IL1R1: variants seen among roughly 807,000 people sequenced by gnomAD.
IL1R1 encodes the protein interleukin 1 receptor type 1, also known as interleukin-1 receptor type 1.
A neutral mutation model predicts 50.2 loss-of-function variants in IL1R1; 22 were observed. The observed-to-expected ratio is 0.44, with a 90% confidence interval of 0.31 to 0.63. The LOEUF (loss-of-function observed/expected upper bound fraction) is 0.63, where lower values mean the gene tolerates loss of function less well. Among genes scored for constraint, IL1R1 ranks in the 20% least tolerant of loss-of-function variants. The pLI is 0.07. For synonymous variants in IL1R1, 251 were observed against 236.7 expected (o/e 1.06, Z -0.55); for missense variants, 509 against 676.2 (o/e 0.75, Z 2.74).
chr2:102,142,529 G>C (rs1414366992), upstream of IL1R1: 5 of 152,112 alleles, frequency 3.3e-5, no homozygotes, highest in African/African-American at 9.7e-5. Context: ...GAGAGCGCCC[G>C]GCAGCTCTCC....
At chr2:102,076,475 C>T (rs1288852920) in intron 1 of IL1R1, among the ~76,000 whole-genome samples, 1 of 152,196 alleles carries the variant, frequency 6.6e-6, no homozygotes, top group Non-Finnish European at 1.5e-5. Context: ...GGGCTTCCTT[C>T]AACATTTCTT....
rs774550568 is a variant in IL1R1, at chr2:102,176,535, T to C, written c.1486T>C (p.Tyr496His). 1 of 1,614,168 alleles carries C rather than the reference T, an allele frequency of 6.2e-7. No homozygotes were observed. The highest frequency in any genetic ancestry group is 8.5e-7 in the Non-Finnish European group (1 of 1,180,034). The change falls in exon 12 of 12, where the codon TAT becomes CAT. Residue 496 changes from tyrosine to histidine, a missense_variant. Coordinates refer to ENST00000410023, the MANE Select transcript of IL1R1 (RefSeq NM_000877.4). Reference protein sequence around the residue: ...VLLELEKIQDYEKMPESIKFI... With the variant: ...VLLELEKIQDHEKMPESIKFI... ...GCTTGAGCTGGAGAAAATCCAAGACTATGAGAAAATGCCAGAATCGATTAA... is the reference window on the plus strand; with the variant it reads ...GCTTGAGCTGGAGAAAATCCAAGACCATGAGAAAATGCCAGAATCGATTAA...
intron 1 of IL1R1, among the ~76,000 whole-genome samples, chr2:102,092,846 T>G (rs1373473266): frequency 1.3e-5 from 2 of 152,122 alleles, no homozygotes; most frequent in East Asian, 3.9e-4. Context: ...ATGATTTTTT[T>G]TTTCAGCCAG....
intron 1 of IL1R1, among the ~76,000 whole-genome samples, chr2:102,072,188 A>AG (rs1678754499): frequency 6.7e-6 from 1 of 148,186 alleles, no homozygotes; most frequent in Admixed American, 6.9e-5. Context: ...TGAACCCGGG[A>AG]GGTGGAGGTT....
intron 1 of IL1R1, among the ~76,000 whole-genome samples, chr2:102,118,712 G>A (rs1577887854): frequency 2.0e-5 from 3 of 152,260 alleles, no homozygotes; most frequent in Non-Finnish European, 4.4e-5. Context: ...TGTGTGGAGT[G>A]CAGGTATAGA....
At chr2:102,080,457 G>GC (rs1161791363) in intron 1 of IL1R1, among the ~76,000 whole-genome samples, 1 of 152,182 alleles carries the variant, frequency 6.6e-6, no homozygotes, top group South Asian at 2.1e-4. Context: ...ATAAAGGGTT[G>GC]CTAAGCACAT....
chr2:102,168,734 G>C, intron 7 of IL1R1, 71 bp downstream of exon 7: 1 of 1,018,630 alleles, frequency 9.8e-7, no homozygotes, highest in Non-Finnish European at 1.5e-6. Context: ...AAGATAAATT[G>C]TATCTTTACT....
intron 3 of IL1R1, 73 bp downstream of exon 3, chr2:102,157,858 C>T: frequency 1.0e-6 from 1 of 960,644 alleles, no homozygotes; most frequent in Non-Finnish European, 1.6e-6. Context: ...AGTACCTTCC[C>T]TAACAGAGTC....
intron 3 of IL1R1, among the ~76,000 whole-genome samples, chr2:102,159,015 A>G (rs1187374013): frequency 6.6e-6 from 1 of 152,216 alleles, no homozygotes; most frequent in East Asian, 1.9e-4. Flanking sequence ...TGTGAGGGAA[A>G]GAGAAGAATC....
At chr2:102,174,181 T>C (rs1685915460) in intron 9 of IL1R1, among the ~76,000 whole-genome samples, 1 of 152,168 alleles carries the variant, frequency 6.6e-6, no homozygotes, top group Non-Finnish European at 1.5e-5. Context: ...AATGTGGAAA[T>C]GTGAAACTTC....
chr2:102,174,124 C>T (rs1685912082), intron 9 of IL1R1, among the ~76,000 whole-genome samples: 6 of 152,178 alleles, frequency 3.9e-5, no homozygotes, highest in Admixed American at 3.3e-4. Flanking sequence ...TGCTCCCCAG[C>T]TTCCTCTTTA....
intron 1 of IL1R1, among the ~76,000 whole-genome samples, chr2:102,134,975 G>A (rs1204561518): frequency 6.6e-6 from 1 of 152,056 alleles, no homozygotes; most frequent in Non-Finnish European, 1.5e-5. Context: ...GATTTAGCTG[G>A]GATATTGCTA....
chr2:102,071,755 T>C (rs1275275306), intron 1 of IL1R1, among the ~76,000 whole-genome samples: 1 of 152,138 alleles, frequency 6.6e-6, no homozygotes, highest in Non-Finnish European at 1.5e-5. Context: ...TACAACCTCT[T>C]GTGAGGGAAG....
At chr2:102,137,643 T>C (rs1027021663) in intron 1 of IL1R1, among the ~76,000 whole-genome samples, 1 of 152,226 alleles carries the variant, frequency 6.6e-6, no homozygotes, top group African/African-American at 2.4e-5. Flanking sequence ...CTTTTTATGA[T>C]TGAGCTCAGA....
chr2:102,119,017 CAAAAAA>C (rs56327525), intron 1 of IL1R1, among the ~76,000 whole-genome samples: 42 of 74,500 alleles, frequency 5.6e-4, no homozygotes, highest in African/African-American at 2.2e-3. Context: ...GACTGTGTCT[CAAAAAA>C]AAAAAAAAAA....
chr2:102,130,994 G>A (rs1681999912), intron 1 of IL1R1, among the ~76,000 whole-genome samples: 1 of 152,172 alleles, frequency 6.6e-6, no homozygotes, highest in African/African-American at 2.4e-5. Context: ...CCATGGCACA[G>A]GGAAGCGTGA....
rs367652252 is a variant in IL1R1, at chr2:102,159,279, G to A, written c.61+1494G>A. 2.0e-3 allele frequency among the ~76,000 whole-genome samples: 312 copies of A among 152,364 alleles called. 1 individual carries two copies. Among genetic ancestry groups the A allele is most frequent in the Non-Finnish European group, 2.3e-3 (159 of 68,036 alleles). ...GGGATCATGGAGTGTAGTTAGGAAA[G>A]ATAAGAACTTTAAGGACTGAGCCAG... On this transcript the variant is annotated intron_variant, in intron 3 of 11. Transcript: ENST00000410023.
At chr2:102,168,698 G>T (rs3213735) in intron 7 of IL1R1, 35 bp downstream of exon 7, 367,416 of 1,258,746 alleles carry the variant, frequency 0.29, 40,056 homozygotes, top group East Asian at 0.48. Flanking sequence ...GCTGGAATCG[G>T]TTTTTTTTTT....
At position 102,146,632 on chromosome 2, in the gene IL1R1, A is replaced by T. The variant is rs191747901; in HGVS notation, c.-84+3612A>T. ...AGGCCATTCTTCTCTCAATTTTCAC[A>T]GTGATTGCATTCCTGAAAAATTTAG... is the stretch of plus-strand genomic sequence containing the variant. On this transcript the variant is annotated intron_variant, in intron 1 of 11. Coordinates refer to ENST00000410023, the MANE Select transcript of IL1R1 (RefSeq NM_000877.4). Among the ~76,000 whole-genome samples the T allele has an allele frequency of 5.3e-5, 8 of 152,316 alleles. No individual in the cohort carries two copies. In the East Asian group the frequency reaches 1.5e-3, roughly 29 times the overall value.
Sources: allele counts gnomAD v4.1 joint callset (sites outside exome capture counted in the v4.1 genomes callset), GRCh38; gene constraint gnomAD v4.1.1; transcripts MANE v1.5; gene names NCBI Gene and HGNC (gene_info 2026-07-23, HGNC 2026-07-21).